The following KLHDC2 variants were observed in gnomAD, a reference collection of about 807,000 sequenced individuals.
The protein encoded by KLHDC2 is kelch domain containing 2, also known as kelch domain-containing protein 2.
In KLHDC2, 38 loss-of-function variants were observed where a neutral mutation model predicts 62.3. That is an observed-to-expected ratio of 0.61 (90% confidence interval 0.47 to 0.80). The LOEUF is 0.80. KLHDC2 is among the 30% of genes least tolerant of loss of function. The pLI is 0.00. For synonymous variants in KLHDC2, 159 were observed against 161.0 expected (o/e 0.99, Z 0.09); for missense variants, 430 against 495.3 (o/e 0.87, Z 1.25).
At position 49,780,045 on chromosome 14, in the gene KLHDC2, A is replaced by G. The variant is rs1466070286; in HGVS notation, c.774-168A>G. On this transcript the variant is annotated intron_variant, in intron 8 of 12. Coordinates refer to ENST00000298307, the MANE Select transcript of KLHDC2 (RefSeq NM_014315.3). Reference sequence around the variant, plus strand: ...AAGGAAAAGGTCTGAAGTTGATTCTAACGTCAAAGAAAATATTTCAGTATA... The same window carrying G: ...AAGGAAAAGGTCTGAAGTTGATTCTGACGTCAAAGAAAATATTTCAGTATA... 8.0e-6 allele frequency: 5 copies of G among 624,560 alleles called. No homozygotes were observed. In the East Asian group the frequency reaches 8.2e-5, roughly 10 times the overall value. The allele number at this position is 624,560 out of a possible 1,614,324, so 38.7% of individuals were successfully genotyped here. A position where few individuals can be genotyped will look rare whatever the true frequency, so the allele number is the denominator to read the frequency against.
At chr14:49,774,508 A>G (rs1217536718) in intron 2 of KLHDC2, 53 bp from the exon 3 acceptor site, 2 of 1,094,224 alleles carry the variant, frequency 1.8e-6, no homozygotes. Flanking sequence ...AAATTAATAG[A>G]CTTTTGCATT....
rs1046462114 is a variant in KLHDC2 at position 49,784,816 on chromosome 14, T to C, written c.*1863T>C. 2.9e-6 allele frequency: 4 copies of C among 1,398,398 alleles called. No homozygotes were observed. The highest frequency in any genetic ancestry group is 4.0e-6 in the Non-Finnish European group (4 of 994,716). The allele number at this position is 1,398,398 out of a possible 1,614,324, so 86.6% of individuals were successfully genotyped here. On this transcript the variant is annotated 3_prime_UTR_variant, in exon 13 of 13. Transcript: ENST00000298307. The stretch of plus-strand genomic sequence containing the variant: ...ATTTCCAAACTTTTAGCTGAGATGG[T>C]TTTACTGCTTCTAATAAGACAGCAT...
chr14:49,771,984 G>A (rs954074318), intron 2 of KLHDC2, among the ~76,000 whole-genome samples: 5 of 151,742 alleles, frequency 3.3e-5, no homozygotes, highest in Admixed American at 2.0e-4. Flanking sequence ...GAGCAAAACT[G>A]TCTCCAAAAA....
intron 6 of KLHDC2, among the ~76,000 whole-genome samples, 181 bp from the exon 7 acceptor site, chr14:49,779,414 T>C (rs927233585): frequency 9.2e-5 from 14 of 152,318 alleles, no homozygotes; most frequent in East Asian, 3.8e-4. Context: ...ATTTCAAAAA[T>C]AGAAAATTAA....
chr14:49,782,740 GAA>G, intron 12 of KLHDC2, 88 bp from the exon 13 acceptor site: 5 of 1,472,532 alleles, frequency 3.4e-6, no homozygotes, highest in Non-Finnish European at 3.7e-6. Flanking sequence ...TTTGAAGAAA[GAA>G]AGAGGGATGT....
rs112035517 is a variant in KLHDC2 at position 49,780,569 on chromosome 14, A to AG, written c.884-126dup. On this transcript the variant is annotated intron_variant, in intron 9 of 12. Coordinates refer to ENST00000298307, the MANE Select transcript of KLHDC2 (RefSeq NM_014315.3). Reference sequence around the variant, plus strand: ...GCAAAGGGCTTACTTGGCTAATTGCAGGGGGGGGAAAAAAAAGAAAATATA... The same window carrying AG: ...GCAAAGGGCTTACTTGGCTAATTGCAGGGGGGGGGAAAAAAAAGAAAATATA... 4.4e-4 allele frequency: 307 copies of AG among 704,906 alleles called. No homozygotes were observed. In the African/African-American group the frequency reaches 4.5e-3, roughly 10 times the overall value. 43.7% of individuals were successfully genotyped at this position (704,906 alleles called of 1,614,324 possible). A position where few individuals can be genotyped will look rare whatever the true frequency, so the allele number is the denominator to read the frequency against.
chr14:49,771,536 T>A, intron 1 of KLHDC2, 58 bp from the exon 2 acceptor site: 1 of 770,712 alleles, frequency 1.3e-6, no homozygotes. Context: ...ATTTAAAAAA[T>A]ACAGTAGTGC....
intron 3 of KLHDC2, among the ~76,000 whole-genome samples, chr14:49,777,438 C>T (rs894759968): frequency 5.9e-5 from 9 of 152,120 alleles, no homozygotes; most frequent in African/African-American, 2.2e-4. Context: ...AGAAAATGTA[C>T]GGCTGTCTTA....
At chr14:49,778,563 G>A (rs1439731747) in intron 6 of KLHDC2, 69 bp downstream of exon 6, 102 of 667,972 alleles carry the variant, frequency 1.5e-4, no homozygotes, top group Non-Finnish European at 1.1e-5. Context: ...GGGTAGGGGA[G>A]AGGGGTGCAC....
In KLHDC2 at chr14:49,784,834, G is replaced by T; in HGVS notation, c.*1881G>T. The stretch of plus-strand genomic sequence containing the variant: ...GAGATGGTTTTACTGCTTCTAATAA[G>T]ACAGCATTTTCTACTAAAATAACAA... On this transcript the variant is annotated 3_prime_UTR_variant, in exon 13 of 13. Coordinates refer to ENST00000298307, the MANE Select transcript of KLHDC2 (RefSeq NM_014315.3). The T allele has an allele frequency of 1.4e-6, 2 of 1,402,896 alleles. No homozygotes were observed. Among genetic ancestry groups the T allele is most frequent in the African/African-American group, 1.4e-5 (1 of 69,922 alleles). The allele number at this position is 1,402,896 out of a possible 1,614,324, so 86.9% of individuals were successfully genotyped here.
At position 49,768,531 on chromosome 14, in the gene KLHDC2, T is replaced by C. The variant is rs369070184; in HGVS notation, c.63T>C (p.Tyr21=). The change falls in exon 1 of 13, where the codon TAT becomes TAC. Residue 21 remains tyrosine, a synonymous_variant. Coordinates refer to ENST00000298307, the MANE Select transcript of KLHDC2 (RefSeq NM_014315.3). ...DDLPGPAFES[Y]ESMELACPAE... ...TGCCTGGGCCAGCCTTCGAGAGCTA[T>C]GAGTCCATGGAGCTTGCCTGCCCCG... 2.5e-6 allele frequency: 4 copies of C among 1,611,356 alleles called. No homozygotes were observed. The highest frequency in any genetic ancestry group is 3.4e-6 in the Non-Finnish European group (4 of 1,179,096).
chr14:49,778,796 T>C (rs1889825589), intron 6 of KLHDC2, among the ~76,000 whole-genome samples: 1 of 152,076 alleles, frequency 6.6e-6, no homozygotes, highest in African/African-American at 2.4e-5. Flanking sequence ...GGATCTCTGC[T>C]TACTGCAATC....
In KLHDC2 at chr14:49,783,006, C is replaced by T. The variant is rs959769292; in HGVS notation, c.*53C>T. ...CTTGCATGGACAGCAATCCTGTAAA[C>T]ATCACAGAGTGGCATCATTTGTATA... On this transcript the variant is annotated 3_prime_UTR_variant, in exon 13 of 13. Transcript: ENST00000298307. 3 of 1,563,958 alleles carry T rather than the reference C, an allele frequency of 1.9e-6. No homozygotes were observed. Among genetic ancestry groups the T allele is most frequent in the Admixed American group, 3.7e-5 (2 of 54,442 alleles).
intron 1 of KLHDC2, 192 bp downstream of exon 1, chr14:49,768,813 C>G (rs1889599811): frequency 1.8e-6 from 1 of 546,386 alleles, no homozygotes; most frequent in Admixed American, 3.9e-5. Context: ...GTACCCCAAC[C>G]CGTCTCGAAC....
Position 49,780,309 on chromosome 14 carries a change from T to C in KLHDC2, c.870T>C (p.Asp290=). ...HLFLFGGFTT[D]KQPLSDAWTY... ...TTCTCTTTGGAGGATTTACCACTGA[T>C]AAACAGCCACTAAGTAAGTCCTTGA... The change falls in exon 9 of 13, where the codon GAT becomes GAC. Residue 290 remains aspartate, a synonymous_variant. Coordinates refer to ENST00000298307, the MANE Select transcript of KLHDC2 (RefSeq NM_014315.3). The C allele has an allele frequency of 1.3e-6, 2 of 1,592,838 alleles. No homozygotes were observed. Among genetic ancestry groups the C allele is most frequent in the Non-Finnish European group, 1.7e-6 (2 of 1,160,580 alleles).
intron 6 of KLHDC2, 103 bp downstream of exon 6, chr14:49,778,597 G>T: frequency 3.3e-6 from 2 of 610,830 alleles, no homozygotes; most frequent in Non-Finnish European, 5.8e-6. Flanking sequence ...TACTGTGAAA[G>T]TGACAGTTCA....
At chr14:49,780,483 C>T (rs1450045762) in intron 9 of KLHDC2, 161 bp downstream of exon 9, 5 of 644,248 alleles carry the variant, frequency 7.8e-6, no homozygotes, top group Non-Finnish European at 1.4e-5. Context: ...TACTATATGG[C>T]ATACTTCTGT....
chr14:49,782,397 T>C lies in KLHDC2; in HGVS notation c.984T>C (p.Asp328=). ...TATGGCACACAGCTTGTGCCAGCGATGAAGGAGAAGTAATTGTTTTTGGTG... is the reference window on the plus strand; with the variant it reads ...TATGGCACACAGCTTGTGCCAGCGACGAAGGAGAAGTAATTGTTTTTGGTG... ...PRLWHTACAS[D]EGEVIVFGGC... The change falls in exon 11 of 13, where the codon GAT becomes GAC. Residue 328 remains aspartate, a synonymous_variant. Transcript: ENST00000298307. 1 of 1,612,782 alleles carries C rather than the reference T, an allele frequency of 6.2e-7. No individual in the cohort carries two copies. The highest frequency in any genetic ancestry group is 8.5e-7 in the Non-Finnish European group (1 of 1,178,888).
At chr14:49,774,332 C>T (rs1203202588) in intron 2 of KLHDC2, among the ~76,000 whole-genome samples, 1 of 152,192 alleles carries the variant, frequency 6.6e-6, no homozygotes, top group Non-Finnish European at 1.5e-5. Context: ...TTCAGAATCT[C>T]TCATGCCTGT....
Sources: allele counts gnomAD v4.1 joint callset (sites outside exome capture counted in the v4.1 genomes callset), GRCh38; gene constraint gnomAD v4.1.1; transcripts MANE v1.5; gene names NCBI Gene and HGNC (gene_info 2026-07-23, HGNC 2026-07-21).